The following ZBTB49 variants were observed in gnomAD, a reference collection of about 807,000 sequenced individuals.
ZBTB49 encodes zinc finger and BTB domain containing 49.
Under a neutral mutation model 57.5 loss-of-function variants are expected in ZBTB49, and 43 were observed. The observed-to-expected ratio is 0.75, with a 90% CI of 0.59 to 0.97. The LOEUF (loss-of-function observed/expected upper bound fraction) is 0.97. ZBTB49 is among the 50% of genes least tolerant of loss of function. The pLI, the probability that ZBTB49 is intolerant of heterozygous loss-of-function variation, is 0.00. For synonymous variants in ZBTB49, 369 were observed against 362.1 expected, an observed-to-expected ratio of 1.02 and a Z score of -0.22; for missense variants, 938 against 947.7, an observed-to-expected ratio of 0.99 and a Z score of 0.13.
chr4:4,315,755 T>G, intron 6 of ZBTB49, 37 bp downstream of exon 6: 1 of 1,613,952 alleles, frequency 6.2e-7, no homozygotes, highest in Non-Finnish European at 8.5e-7. Flanking sequence ...CTTGAAGATT[T>G]CTGATTAAAA....
rs942492936 is a variant in ZBTB49, at chr4:4,294,935, T to C, written c.-20+4583T>C. On this transcript the variant is annotated intron_variant, in intron 1 of 7. Transcript: ENST00000337872. ...TGTGTGTTTAATGTCTTTTTTCCCG[T>C]GGGCGATAGCATAGCATAAAAGCAT... Among the ~76,000 whole-genome samples the C allele has an allele frequency of 1.0e-4, 15 of 149,936 alleles. 1 individual carries two copies. The highest frequency in any genetic ancestry group is 1.6e-4 in the Non-Finnish European group (11 of 67,478).
At chr4:4,318,509 A>G (rs1721277349) in intron 7 of ZBTB49, among the ~76,000 whole-genome samples, 1 of 152,168 alleles carries the variant, frequency 6.6e-6, no homozygotes, top group Non-Finnish European at 1.5e-5. Flanking sequence ...CAGGAGGCTG[A>G]GGCACAAGAA....
rs540603407 is a variant in ZBTB49, at chr4:4,300,447, G to A, written c.152+350G>A. Reference sequence around the variant, plus strand: ...AAATGATGGAGGAATTAAGTTCCCGGTCAGAATTTTTCTGTGATAAGAAAT... The same window carrying A: ...AAATGATGGAGGAATTAAGTTCCCGATCAGAATTTTTCTGTGATAAGAAAT... On this transcript the variant is annotated intron_variant, in intron 2 of 7. Transcript: ENST00000337872. Among the ~76,000 whole-genome samples the A allele has an allele frequency of 1.7e-3, 254 of 152,160 alleles. 1 individual carries two copies. Among genetic ancestry groups the A allele is most frequent in the Non-Finnish European group, 3.3e-3 (222 of 68,008 alleles).
intron 3 of ZBTB49, 106 bp from the exon 4 acceptor site, chr4:4,306,032 C>A: frequency 1.2e-6 from 1 of 822,548 alleles, no homozygotes; most frequent in Non-Finnish European, 2.0e-6. Flanking sequence ...TGTTAGGATG[C>A]AGAATGTAAT....
At position 4,303,102 on chromosome 4, in the gene ZBTB49, C is replaced by T. The variant is rs1457084565; in HGVS notation, c.1255+11C>T. On this transcript the variant is annotated intron_variant, in intron 3 of 7. Transcript: ENST00000337872. ...AACGGTCTCATACAGGTAACTGATT[C>T]AGTACCCACAGGCAGAAGGGAAGGA... The T allele has an allele frequency of 6.4e-7, 1 of 1,572,568 alleles. No homozygotes were observed. Among genetic ancestry groups the T allele is most frequent in the Non-Finnish European group, 8.6e-7 (1 of 1,158,148 alleles).
At chr4:4,294,875 G>GTA (rs201657952) in intron 1 of ZBTB49, among the ~76,000 whole-genome samples, 1,473 of 93,082 alleles carry the variant, frequency 0.016, 19 homozygotes, top group Admixed American at 0.043. Context: ...AGGGTTTCGT[G>GTA]TGTGTGTGTG....
At chr4:4,308,838 G>A (rs2920210) in intron 4 of ZBTB49, among the ~76,000 whole-genome samples, 126,152 of 152,164 alleles carry the variant, frequency 0.83, 52,368 homozygotes, top group Admixed American at 0.84. Context: ...CAAAGAAAAG[G>A]CAGTAGTCCT....
intron 3 of ZBTB49, among the ~76,000 whole-genome samples, 199 bp downstream of exon 3, chr4:4,303,290 A>G (rs1720585448): frequency 6.6e-6 from 1 of 152,254 alleles, no homozygotes. Flanking sequence ...AAATGGTTTT[A>G]TAAAGTCACT....
At chr4:4,304,007 C>T (rs528099729) in intron 3 of ZBTB49, among the ~76,000 whole-genome samples, 2 of 152,130 alleles carry the variant, frequency 1.3e-5, no homozygotes, top group Admixed American at 1.3e-4. Flanking sequence ...TATGGATTCA[C>T]AGTTTGCATT....
intron 1 of ZBTB49, among the ~76,000 whole-genome samples, chr4:4,293,187 T>C (rs79286288): frequency 4.6e-5 from 7 of 152,172 alleles, no homozygotes; most frequent in African/African-American, 1.7e-4. Flanking sequence ...AGAGATACAT[T>C]GTTCAATAAG....
At chr4:4,298,389 A>C (rs893200107) in intron 1 of ZBTB49, among the ~76,000 whole-genome samples, 1 of 152,142 alleles carries the variant, frequency 6.6e-6, no homozygotes, top group Admixed American at 6.5e-5. Flanking sequence ...AAGGCAAAAA[A>C]AGCAGATGAT....
At chr4:4,314,914 C>T (rs1721123372) in intron 5 of ZBTB49, among the ~76,000 whole-genome samples, 1 of 152,222 alleles carries the variant, frequency 6.6e-6, no homozygotes, top group South Asian at 2.1e-4. Flanking sequence ...GGTTGTTAAA[C>T]ATGTAACCGA....
At position 4,292,463 on chromosome 4, in the gene ZBTB49, G is replaced by C. The variant is rs183664207; in HGVS notation, c.-20+2111G>C. On this transcript the variant is annotated intron_variant, in intron 1 of 7. Transcript: ENST00000337872. ...GATGGAAAACTGAGACACAGAGCCT[G>C]TGAAGAGTAGGGAACACATCTGTTC... Among the ~76,000 whole-genome samples the C allele has an allele frequency of 1.1e-4, 17 of 152,322 alleles. No homozygotes were observed. The East Asian group carries it at 2.5e-3, about 22-fold the overall frequency.
Position 4,321,566 on chromosome 4 carries a change from C to T in ZBTB49, c.*250C>T. On this transcript the variant is annotated 3_prime_UTR_variant, in exon 8 of 8. Transcript: ENST00000337872. ...CACAGAAGCGAAGGCTTGATGCTGT[C>T]TCAGCAGCCTCAGCTGTGGGGGGGA... 1.9e-6 allele frequency: 1 copy of T among 535,630 alleles called. No individual in the cohort carries two copies. Among genetic ancestry groups the T allele is most frequent in the South Asian group, 2.3e-5 (1 of 42,570 alleles). 33.2% of individuals were successfully genotyped at this position (535,630 alleles called of 1,614,324 possible).
At chr4:4,312,996 A>G (rs1230433244) in intron 4 of ZBTB49, 45 bp from the exon 5 acceptor site, 18 of 1,603,158 alleles carry the variant, frequency 1.1e-5, no homozygotes. Context: ...TTAAAAAACC[A>G]AAAACTTTCA....
intron 7 of ZBTB49, among the ~76,000 whole-genome samples, chr4:4,319,100 C>T (rs1325646988): frequency 6.6e-6 from 1 of 151,806 alleles, no homozygotes; most frequent in East Asian, 1.9e-4. Flanking sequence ...ACTATGTTGC[C>T]TAGGCTGGTC....
chr4:4,317,743 A>G (rs1356049011), intron 7 of ZBTB49, among the ~76,000 whole-genome samples: 1 of 152,054 alleles, frequency 6.6e-6, no homozygotes, highest in Non-Finnish European at 1.5e-5. Flanking sequence ...AACTGCTCGC[A>G]GGCTCGTGTG....
At chr4:4,307,133 TGCCTGCTGGGATTCACCAAGTCCTC>T (rs911183424) in intron 4 of ZBTB49, among the ~76,000 whole-genome samples, 2 of 152,234 alleles carry the variant, frequency 1.3e-5, no homozygotes, top group African/African-American at 4.8e-5. Flanking sequence ...TCTGAGTCCC[TGCCTGCTGGGATTCACCAAGTCCTC>T]GCCGTCTCTC....
At chr4:4,296,639 C>T (rs1054939281) in intron 1 of ZBTB49, among the ~76,000 whole-genome samples, 2 of 152,158 alleles carry the variant, frequency 1.3e-5, no homozygotes, top group Non-Finnish European at 2.9e-5. Flanking sequence ...ATGTCCTTAT[C>T]AGCAGCATGA....
Sources: gnomAD v4.1 joint callset for allele counts (sites outside exome capture counted in the v4.1 genomes callset) on GRCh38, gnomAD v4.1.1 for gene constraint, MANE v1.5 for transcripts, NCBI Gene and HGNC (gene_info 2026-07-23, HGNC 2026-07-21) for gene names.